PTPRQ: variants seen among roughly 807,000 people sequenced by gnomAD.
The protein encoded by PTPRQ is phosphatidylinositol phosphatase PTPRQ.
PTPRQ carries 199 observed loss-of-function variants against 246.0 expected under a neutral mutation model. That is an observed-to-expected ratio of 0.81 (90% confidence interval 0.72 to 0.91). The LOEUF (loss-of-function observed/expected upper bound fraction) is 0.91, where lower values mean the gene tolerates loss of function less well. Ranked by LOEUF, PTPRQ falls within the 40% of genes least tolerant of loss-of-function variation. The probability of loss-of-function intolerance (pLI) is 0.00; values close to 1 mark genes in which losing one functional copy is unlikely to be tolerated. For synonymous variants in PTPRQ, 869 were observed against 853.2 expected (o/e 1.02, Z -0.32); for missense variants, 2,624 against 2,528.4 (o/e 1.04, Z -0.81).
chr12:80,493,111 C>A (rs939942769), intron 9 of PTPRQ, among the ~76,000 whole-genome samples, 164 bp from the exon 10 acceptor site: 1 of 151,776 alleles, frequency 6.6e-6, no homozygotes, highest in East Asian at 1.9e-4. Context: ...TATTAGTAGC[C>A]GGAGAATGAA....
chr12:80,654,826 T>C (rs1163020), intron 38 of PTPRQ, among the ~76,000 whole-genome samples: 51,841 of 151,774 alleles, frequency 0.34, 14,216 homozygotes, highest in African/African-American at 0.76. Flanking sequence ...CACCATTGCA[T>C]TCCATCCTGG....
At chr12:80,491,028 AG>A (rs1333241512) in intron 9 of PTPRQ, among the ~76,000 whole-genome samples, 1 of 151,910 alleles carries the variant, frequency 6.6e-6, no homozygotes, top group African/African-American at 2.4e-5. Flanking sequence ...CAAGTTATGG[AG>A]GGTTTTTCTA....
chr12:80,489,841 G>C (rs181894781), intron 9 of PTPRQ, among the ~76,000 whole-genome samples: 20 of 152,084 alleles, frequency 1.3e-4, no homozygotes, highest in Admixed American at 2.6e-4. Flanking sequence ...ATCCCATCCA[G>C]TACTTGTTCA....
chr12:80,594,579 CT>C (rs957275683), intron 26 of PTPRQ, among the ~76,000 whole-genome samples: 3 of 152,068 alleles, frequency 2.0e-5, no homozygotes, highest in Admixed American at 1.3e-4. Flanking sequence ...ACATCTCAAA[CT>C]CCATATTGCC....
intron 39 of PTPRQ, among the ~76,000 whole-genome samples, chr12:80,658,802 T>C (rs1046352561): frequency 2.6e-5 from 4 of 151,950 alleles, no homozygotes; most frequent in Non-Finnish European, 4.4e-5. Flanking sequence ...TACAAATACA[T>C]GAAGATTTCC....
chr12:80,548,786 T>C (rs540789438), intron 24 of PTPRQ, among the ~76,000 whole-genome samples: 2 of 152,220 alleles, frequency 1.3e-5, no homozygotes, highest in Non-Finnish European at 1.5e-5. Context: ...GTTTCTCTAA[T>C]GTGCAGTCAC....
intron 39 of PTPRQ, among the ~76,000 whole-genome samples, chr12:80,664,997 G>A (rs561290745): frequency 7.9e-5 from 12 of 152,060 alleles, no homozygotes; most frequent in South Asian, 4.1e-4. Context: ...ATGAAGGGGC[G>A]TTTATTAAGG....
At chr12:80,552,358 C>A (rs901053661) in intron 25 of PTPRQ, among the ~76,000 whole-genome samples, 2 of 151,766 alleles carry the variant, frequency 1.3e-5, no homozygotes, top group African/African-American at 4.8e-5. Context: ...GATCATTGGG[C>A]AGGAGCTGAG....
rs1032408087 is a variant in PTPRQ, at chr12:80,545,240, C to T, written c.3874-1316C>T. Among the ~76,000 whole-genome samples, 57 of 152,128 alleles carry T rather than the reference C, an allele frequency of 3.7e-4. 1 individual carries two copies. Among genetic ancestry groups the T allele is most frequent in the African/African-American group, 1.4e-3 (57 of 41,530 alleles). On this transcript the variant is annotated intron_variant, in intron 23 of 44. Transcript: ENST00000644991. ...ACCATGCCTTACATGTGTCTATAATCTCCAGATTATCTAATGGCATGTTTT... is the reference window on the plus strand; with the variant it reads ...ACCATGCCTTACATGTGTCTATAATTTCCAGATTATCTAATGGCATGTTTT...
intron 8 of PTPRQ, among the ~76,000 whole-genome samples, chr12:80,473,466 G>A (rs1177462402): frequency 6.6e-6 from 1 of 152,116 alleles, no homozygotes; most frequent in East Asian, 1.9e-4. Context: ...CTTGATTTTG[G>A]TCTTAATAGA....
chr12:80,546,859 A>G (rs1203983203), intron 24 of PTPRQ, 162 bp downstream of exon 24: 9 of 803,896 alleles, frequency 1.1e-5, no homozygotes, highest in Non-Finnish European at 1.7e-5. Context: ...GTGAAATCAT[A>G]TGCTGTATGT....
At chr12:80,592,251 G>A (rs1313392538) in intron 26 of PTPRQ, among the ~76,000 whole-genome samples, 1 of 152,194 alleles carries the variant, frequency 6.6e-6, no homozygotes, top group Non-Finnish European at 1.5e-5. Context: ...TTTCAACTAA[G>A]TAGTCATAAG....
chr12:80,631,077 A>G (rs930703549), intron 33 of PTPRQ, among the ~76,000 whole-genome samples: 19 of 152,186 alleles, frequency 1.2e-4, no homozygotes, highest in African/African-American at 4.6e-4. Flanking sequence ...ATCTTCTAAT[A>G]ATGAGCTTTA....
chr12:80,555,403 A>G (rs1343867896), intron 25 of PTPRQ, among the ~76,000 whole-genome samples: 2 of 152,156 alleles, frequency 1.3e-5, no homozygotes, highest in Non-Finnish European at 2.9e-5. Flanking sequence ...ATAAGAATTT[A>G]TAAAATTCTT....
At chr12:80,522,300 A>G (rs897070284) in intron 17 of PTPRQ, among the ~76,000 whole-genome samples, 2 of 152,220 alleles carry the variant, frequency 1.3e-5, no homozygotes, top group African/African-American at 4.8e-5. Context: ...CAATCATGTC[A>G]TCTGCAAACA....
At chr12:80,661,484 G>A (rs529247679) in intron 39 of PTPRQ, among the ~76,000 whole-genome samples, 28 of 150,568 alleles carry the variant, frequency 1.9e-4, no homozygotes, top group South Asian at 1.0e-3. Context: ...TTTATATGCC[G>A]ATATGTATAC....
At chr12:80,535,149 G>C (rs1895948646) in intron 19 of PTPRQ, 112 bp downstream of exon 19, 1 of 1,083,706 alleles carries the variant, frequency 9.2e-7, no homozygotes, top group Non-Finnish European at 1.3e-6. Context: ...ATTAGGCACA[G>C]ATGTATTTTA....
intron 25 of PTPRQ, among the ~76,000 whole-genome samples, chr12:80,587,815 A>G (rs1897667656): frequency 6.6e-6 from 1 of 152,206 alleles, no homozygotes; most frequent in Non-Finnish European, 1.5e-5. Context: ...ATGAGCATAC[A>G]GTTTTCCTTT....
At chr12:80,473,199 G>A (rs956292406) in intron 8 of PTPRQ, among the ~76,000 whole-genome samples, 3 of 151,974 alleles carry the variant, frequency 2.0e-5, no homozygotes, top group African/African-American at 7.3e-5. Flanking sequence ...TAAAAGTTAC[G>A]TTTTATCTAT....
Sources: allele counts gnomAD v4.1 joint callset (sites outside exome capture counted in the v4.1 genomes callset), GRCh38; gene constraint gnomAD v4.1.1; transcripts MANE v1.5; gene names NCBI Gene and HGNC (gene_info 2026-07-23, HGNC 2026-07-21).